CNTN4: variants seen among roughly 807,000 people sequenced by gnomAD.
CNTN4 encodes contactin 4, also known as contactin-4.
Under a neutral mutation model 122.5 loss-of-function variants are expected in CNTN4, and 77 were observed. The observed-to-expected ratio is 0.63, with a 90% CI of 0.52 to 0.76. CNTN4 has a LOEUF of 0.76. Among genes scored for constraint, CNTN4 ranks in the 30% least tolerant of loss-of-function variants. The pLI, the probability that CNTN4 is intolerant of heterozygous loss-of-function variation, is 0.00. For missense variants in CNTN4, 1,256 were observed against 1,259.1 expected (o/e 1.00, Z 0.04); for synonymous variants, 512 against 447.0 (o/e 1.15, Z -1.83).
At chr3:2,492,009 G>T (rs1337302869) in intron 3 of CNTN4, among the ~76,000 whole-genome samples, 2 of 151,546 alleles carry the variant, frequency 1.3e-5, no homozygotes, top group Non-Finnish European at 2.9e-5. Context: ...AGAAAATGAG[G>T]GAATTTAGAC....
At chr3:2,131,149 AT>A (rs1443056643) in intron 2 of CNTN4, among the ~76,000 whole-genome samples, 1 of 152,164 alleles carries the variant, frequency 6.6e-6, no homozygotes, top group Non-Finnish European at 1.5e-5. Flanking sequence ...GATAGTATTA[AT>A]TTTGTTTTAC....
At chr3:2,966,577 A>G (rs1303863190) in intron 13 of CNTN4, among the ~76,000 whole-genome samples, 2 of 152,216 alleles carry the variant, frequency 1.3e-5, no homozygotes, top group Non-Finnish European at 2.9e-5. Flanking sequence ...TGGGGTGACT[A>G]TAATCAACAA....
At chr3:2,944,394 C>A (rs1577355917) in intron 13 of CNTN4, among the ~76,000 whole-genome samples, 2 of 152,252 alleles carry the variant, frequency 1.3e-5, no homozygotes, top group Middle Eastern at 6.8e-3. Context: ...ACTCCTTGAA[C>A]TGGCTCCTCC....
intron 3 of CNTN4, among the ~76,000 whole-genome samples, chr3:2,527,878 T>C (rs1559640901): frequency 6.6e-6 from 1 of 152,112 alleles, no homozygotes; most frequent in Non-Finnish European, 1.5e-5. Context: ...TGCCCTCAAT[T>C]CTTTCTAAAG....
chr3:2,959,510 ATTGAGGAGCTTAC>A (rs1229838442), intron 13 of CNTN4, among the ~76,000 whole-genome samples: 4 of 152,114 alleles, frequency 2.6e-5, no homozygotes, highest in African/African-American at 9.6e-5. Context: ...AAAAAAAATC[ATTGAGGAGCTTAC>A]CCTTGGCTTT....
intron 3 of CNTN4, among the ~76,000 whole-genome samples, chr3:2,481,543 A>G (rs2076007008): frequency 6.6e-6 from 1 of 152,182 alleles, no homozygotes; most frequent in African/African-American, 2.4e-5. Context: ...AACCCCGCGC[A>G]AAAAAATTAA....
rs113568996 is a variant in CNTN4, at chr3:2,665,440, A to T, written c.56-70775A>T. The stretch of plus-strand genomic sequence containing the variant: ...ATAAACAACCCTTTATAAATTTTCA[A>T]CTTGATCACCTATAGCAATAAAGCT... On this transcript the variant is annotated intron_variant, in intron 4 of 24. Coordinates refer to ENST00000418658, the MANE Select transcript of CNTN4 (RefSeq NM_175607.3). 6.6e-5 allele frequency among the ~76,000 whole-genome samples: 10 copies of T among 152,280 alleles called. 1 individual carries two copies. The highest frequency in any genetic ancestry group is 2.2e-4 in the African/African-American group (9 of 41,596).
At chr3:2,645,809 T>C (rs921755144) in intron 4 of CNTN4, among the ~76,000 whole-genome samples, 1 of 152,204 alleles carries the variant, frequency 6.6e-6, no homozygotes, top group African/African-American at 2.4e-5. Context: ...CCCAATAATA[T>C]TCAAAACAAG....
intron 15 of CNTN4, among the ~76,000 whole-genome samples, chr3:3,029,754 G>A (rs114331556): frequency 0.015 from 2,258 of 152,218 alleles, 25 homozygotes; most frequent in South Asian, 0.031. Context: ...TCTTTGTGCT[G>A]GAATTTCCTC....
chr3:2,491,286 G>A (rs996567907), intron 3 of CNTN4, among the ~76,000 whole-genome samples: 13 of 152,122 alleles, frequency 8.5e-5, no homozygotes, highest in African/African-American at 3.1e-4. Flanking sequence ...TGTAAGAATT[G>A]AAGAACTGAA....
intron 1 of CNTN4, among the ~76,000 whole-genome samples, chr3:2,100,124 G>A (rs1398304509): frequency 6.6e-6 from 1 of 152,144 alleles, no homozygotes; most frequent in African/African-American, 2.4e-5. Flanking sequence ...GAGCACCCTG[G>A]GTGTGTGGTC....
intron 3 of CNTN4, among the ~76,000 whole-genome samples, chr3:2,370,804 A>C (rs971796919): frequency 6.6e-6 from 1 of 152,156 alleles, no homozygotes; most frequent in Admixed American, 6.5e-5. Flanking sequence ...CAGAAGGTGA[A>C]TATATACCAG....
intron 14 of CNTN4, among the ~76,000 whole-genome samples, chr3:3,005,286 T>C (rs1696505397): frequency 6.6e-6 from 1 of 152,224 alleles, no homozygotes; most frequent in Non-Finnish European, 1.5e-5. Flanking sequence ...ATGGATAGGC[T>C]GAGATTTTTT....
At chr3:2,401,235 C>T (rs558572653) in intron 3 of CNTN4, among the ~76,000 whole-genome samples, 1 of 152,138 alleles carries the variant, frequency 6.6e-6, no homozygotes, top group African/African-American at 2.4e-5. Context: ...TTTGTTCATT[C>T]CACTAATGGG....
At chr3:2,185,598 G>C (rs1363636971) in intron 2 of CNTN4, among the ~76,000 whole-genome samples, 2 of 152,066 alleles carry the variant, frequency 1.3e-5, no homozygotes, top group East Asian at 1.9e-4. Context: ...AAATTTTCTG[G>C]GTCAGTGGGC....
chr3:2,944,123 C>T (rs1196594591), intron 13 of CNTN4, among the ~76,000 whole-genome samples: 1 of 150,958 alleles, frequency 6.6e-6, no homozygotes, highest in Non-Finnish European at 1.5e-5. Flanking sequence ...AAGCCAAGGT[C>T]ATGGTTCAGA....
chr3:2,809,381 C>A (rs2092549983), intron 6 of CNTN4, among the ~76,000 whole-genome samples: 1 of 152,160 alleles, frequency 6.6e-6, no homozygotes, highest in South Asian at 2.1e-4. Context: ...ACTGGGTTAG[C>A]TGCAAGGTGT....
At chr3:2,844,308 C>T (rs1207799271) in intron 7 of CNTN4, among the ~76,000 whole-genome samples, 5 of 152,142 alleles carry the variant, frequency 3.3e-5, no homozygotes, top group African/African-American at 9.7e-5. Flanking sequence ...ATATTTATTG[C>T]AGATTTGCAG....
chr3:2,150,015 G>A (rs960441488), intron 2 of CNTN4, among the ~76,000 whole-genome samples: 5 of 150,240 alleles, frequency 3.3e-5, no homozygotes, highest in East Asian at 2.0e-4. Context: ...ATATATGCAA[G>A]GTTAGAGTTT....
Sources: allele counts gnomAD v4.1 joint callset (sites outside exome capture counted in the v4.1 genomes callset), GRCh38; gene constraint gnomAD v4.1.1; transcripts MANE v1.5; gene names NCBI Gene and HGNC (gene_info 2026-07-23, HGNC 2026-07-21).